UCK2: variants seen among roughly 807,000 people sequenced by gnomAD.
UCK2 encodes the protein uridine-cytidine kinase 2.
UCK2 carries 6 observed loss-of-function variants against 30.8 expected under a neutral mutation model. The ratio of observed to expected loss-of-function variants is 0.19; its 90% CI spans 0.11 to 0.38. The LOEUF is 0.38. Ranked by LOEUF, UCK2 falls within the 10% of genes least tolerant of loss-of-function variation. UCK2 has a pLI of 1.00. For synonymous variants in UCK2, 125 were observed against 133.6 expected (o/e 0.94, Z 0.45); for missense variants, 210 against 339.8 (o/e 0.62, Z 3.00).
At chr1:165,865,063 T>TTACCAAATA (rs1383004837) in intron 1 of UCK2, among the ~76,000 whole-genome samples, 2 of 152,202 alleles carry the variant, frequency 1.3e-5, no homozygotes, top group Admixed American at 1.3e-4. Flanking sequence ...ATCTCCCATA[T>TTACCAAATA]TACCAAATAT....
chr1:165,835,171 GTCTCC>G (rs1253011391), intron 1 of UCK2, among the ~76,000 whole-genome samples: 1 of 152,112 alleles, frequency 6.6e-6, no homozygotes, highest in African/African-American at 2.4e-5. Context: ...CAGGCTTCTA[GTCTCC>G]TAGGCTGTCT....
intron 1 of UCK2, among the ~76,000 whole-genome samples, chr1:165,855,113 C>T (rs186272312): frequency 4.6e-5 from 7 of 152,294 alleles, no homozygotes; most frequent in Non-Finnish European, 1.0e-4. Flanking sequence ...GCCTATGTTT[C>T]TCCCACCCAC....
chr1:165,891,297 G>T lies in UCK2; in HGVS notation c.331G>T (p.Val111Leu). ...TGAAGGGAAAACAGTCCAGATCCCC[G>T]TGTATGACTTTGTCTCCCATTCCCG... is the stretch of plus-strand genomic sequence containing the variant. Reference protein sequence around the residue: ...ITEGKTVQIPVYDFVSHSRKE... With the variant: ...ITEGKTVQIPLYDFVSHSRKE... Residue 111 changes from valine (V) to leucine (L), a missense_variant, in exon 3 of 7, where the codon GTG becomes TTG. By Grantham distance (32) the Val-to-Leu change is conservative. Coordinates refer to ENST00000367879, the MANE Select transcript of UCK2 (RefSeq NM_012474.5). The T allele has an allele frequency of 3.7e-6, 6 of 1,614,168 alleles. No homozygotes were observed. The highest frequency in any genetic ancestry group is 5.1e-6 in the Non-Finnish European group (6 of 1,180,004).
intron 1 of UCK2, among the ~76,000 whole-genome samples, chr1:165,854,048 C>T (rs1654664415): frequency 6.6e-6 from 1 of 152,226 alleles, no homozygotes; most frequent in Non-Finnish European, 1.5e-5. Flanking sequence ...AGTCCATGCT[C>T]TTTGGGAAGT....
intron 1 of UCK2, among the ~76,000 whole-genome samples, chr1:165,870,487 G>A (rs1176327843): frequency 6.6e-6 from 1 of 150,396 alleles, no homozygotes; most frequent in East Asian, 2.0e-4. Flanking sequence ...ACCATTTGCT[G>A]GATGACAATT....
chr1:165,880,560 TTTGG>T (rs1229082154), intron 1 of UCK2, among the ~76,000 whole-genome samples: 269 of 80,058 alleles, frequency 3.4e-3, no homozygotes, highest in Admixed American at 0.012. Flanking sequence ...TTCAGTTTTT[TTTGG>T]GGGTGTGTGT....
At chr1:165,854,867 G>T (rs1654690964) in intron 1 of UCK2, among the ~76,000 whole-genome samples, 1 of 151,952 alleles carries the variant, frequency 6.6e-6, no homozygotes, top group South Asian at 2.1e-4. Context: ...TGTTTTTCCT[G>T]CCAATCCCCA....
chr1:165,893,916 C>A (rs1251724911), intron 3 of UCK2, among the ~76,000 whole-genome samples: 1 of 152,176 alleles, frequency 6.6e-6, no homozygotes, highest in East Asian at 1.9e-4. Context: ...AGTTAGGCAT[C>A]CTAAAATGCT....
At chr1:165,865,357 C>T (rs1363503336) in intron 1 of UCK2, among the ~76,000 whole-genome samples, 1 of 152,020 alleles carries the variant, frequency 6.6e-6, no homozygotes, top group Non-Finnish European at 1.5e-5. Flanking sequence ...GAGTAGTTTC[C>T]CAGATGTAGT....
intron 1 of UCK2, among the ~76,000 whole-genome samples, chr1:165,839,410 G>C (rs1467108955): frequency 6.6e-6 from 1 of 152,154 alleles, no homozygotes. Context: ...TTGATTTCTG[G>C]AGGAAGGGGT....
At chr1:165,861,003 A>G (rs1571277309) in intron 1 of UCK2, among the ~76,000 whole-genome samples, 1 of 152,300 alleles carries the variant, frequency 6.6e-6, no homozygotes, top group Non-Finnish European at 1.5e-5. Flanking sequence ...TATAAACAAC[A>G]GGAATTTATA....
intron 1 of UCK2, among the ~76,000 whole-genome samples, chr1:165,840,969 C>A (rs1424145197): frequency 6.6e-6 from 1 of 152,054 alleles, no homozygotes; most frequent in Non-Finnish European, 1.5e-5. Flanking sequence ...GAAAGCCCTC[C>A]CATTGCTACC....
intron 1 of UCK2, among the ~76,000 whole-genome samples, chr1:165,847,264 C>G (rs976231792): frequency 3.3e-5 from 5 of 152,100 alleles, no homozygotes; most frequent in African/African-American, 1.2e-4. Context: ...TAGTGCCTGC[C>G]TGTATTGTGA....
chr1:165,854,237 C>T (rs974182629), intron 1 of UCK2, among the ~76,000 whole-genome samples: 9 of 152,152 alleles, frequency 5.9e-5, no homozygotes, highest in African/African-American at 2.2e-4. Context: ...TGATCTCACA[C>T]AAAAAGACTG....
chr1:165,834,729 GT>G (rs966603676), intron 1 of UCK2, among the ~76,000 whole-genome samples: 1 of 151,432 alleles, frequency 6.6e-6, no homozygotes, highest in African/African-American at 2.4e-5. Context: ...TTCTTTTTTT[GT>G]TTTTTTTAAA....
intron 1 of UCK2, among the ~76,000 whole-genome samples, chr1:165,833,145 C>G (rs77399669): frequency 0.048 from 7,233 of 152,222 alleles, 577 homozygotes; most frequent in African/African-American, 0.17. Flanking sequence ...GTCGCCATCC[C>G]CATCCAGCCA....
At position 165,861,632 on chromosome 1, in the gene UCK2, AAAAAAAAAAAAAAAAAAC is replaced by A. The variant is rs1427909661; in HGVS notation, c.100-28562_100-28545del. ...GACAGAGCGAGACTCCGTCTCAAAA[AAAAAAAAAAAAAAAAAAC>A]AAAAAAAAACAACAGTAAAACTCAA... On this transcript the variant is annotated intron_variant, in intron 1 of 6. Coordinates refer to ENST00000367879, the MANE Select transcript of UCK2 (RefSeq NM_012474.5). Among the ~76,000 whole-genome samples the A allele has an allele frequency of 5.9e-4, 42 of 70,630 alleles. 2 individuals are homozygous for A. Among genetic ancestry groups the A allele is most frequent in the African/African-American group, 2.5e-3 (36 of 14,314 alleles). The allele number at this position is 70,630 out of a possible 152,430, so 46.3% of individuals were successfully genotyped here.
At chr1:165,861,662 A>C (rs1213953285) in intron 1 of UCK2, among the ~76,000 whole-genome samples, 1 of 107,182 alleles carries the variant, frequency 9.3e-6, no homozygotes, top group Non-Finnish European at 2.0e-5. Flanking sequence ...AAAAAAAACA[A>C]CAGTAAAACT....
intron 1 of UCK2, among the ~76,000 whole-genome samples, chr1:165,887,164 G>A (rs1256295180): frequency 2.6e-5 from 4 of 152,182 alleles, no homozygotes; most frequent in Admixed American, 2.6e-4. Context: ...TTGGCACAGG[G>A]ACTGCTGCCT....
Sources: allele counts gnomAD v4.1 joint callset (sites outside exome capture counted in the v4.1 genomes callset), GRCh38; gene constraint gnomAD v4.1.1; transcripts MANE v1.5; gene names NCBI Gene and HGNC (gene_info 2026-07-23, HGNC 2026-07-21).